The following AKT3 variants were observed in gnomAD, a reference collection of about 807,000 sequenced individuals.
The protein encoded by AKT3 is AKT serine/threonine kinase 3, also known as RAC-gamma serine/threonine-protein kinase.
A neutral mutation model predicts 65.3 loss-of-function variants in AKT3; 15 were observed. That is an observed-to-expected ratio of 0.23 (90% CI 0.15 to 0.35). AKT3 has a LOEUF of 0.35. AKT3 is among the 10% of genes least tolerant of loss of function. The pLI, the probability that AKT3 is intolerant of heterozygous loss-of-function variation, is 1.00. For missense variants in AKT3, 243 were observed against 576.5 expected (o/e 0.42, Z 5.92); for synonymous variants, 206 against 183.8 (o/e 1.12, Z -0.98).
chr1:243,843,612 T>C, intron 1 of AKT3: 3 of 982,850 alleles, frequency 3.1e-6, no homozygotes, highest in Non-Finnish European at 3.6e-6. Flanking sequence ...TGAAAGTTAA[T>C]TGCCCTAAAT....
At chr1:243,612,765 G>T (rs1677963763) in intron 8 of AKT3, 1 of 152,040 alleles carries the variant, frequency 6.6e-6, no homozygotes, top group Non-Finnish European at 1.5e-5. Context: ...GGTAGGCCCG[G>T]CGTGGTGGCT....
At chr1:243,536,891 T>C (rs1003962028) in intron 12 of AKT3, among the ~76,000 whole-genome samples, 11 of 152,178 alleles carry the variant, frequency 7.2e-5, no homozygotes, top group African/African-American at 2.4e-4. Context: ...ATAAGGGAAG[T>C]ATCAAATAGA....
intron 2 of AKT3, among the ~76,000 whole-genome samples, chr1:243,711,409 T>C (rs984004057): frequency 6.6e-6 from 1 of 152,188 alleles, no homozygotes; most frequent in African/African-American, 2.4e-5. Flanking sequence ...AATACTTTTA[T>C]CCAACTGTTT....
At position 243,783,892 on chromosome 1, in the gene AKT3, T is replaced by C. The variant is rs1339013334; in HGVS notation, c.46+59233A>G. On this transcript the variant is annotated intron_variant, in intron 2 of 13. Transcript: ENST00000673466. ...TATTATAAATAAACCCATGGGAAAA[T>C]GTACAAATTCCAGCTTTTTAGTAAT... 2.6e-5 allele frequency among the ~76,000 whole-genome samples: 4 copies of C among 151,934 alleles called. No homozygotes were observed. The East Asian group carries it at 7.7e-4, about 29-fold the overall frequency.
intron 13 of AKT3, among the ~76,000 whole-genome samples, chr1:243,505,934 A>C (rs1342992068): frequency 3.3e-5 from 5 of 152,234 alleles, no homozygotes; most frequent in African/African-American, 9.6e-5. Flanking sequence ...GCTCATCAGG[A>C]AACAATGGAA....
At chr1:243,773,095 G>C (rs1450294912) in intron 2 of AKT3, among the ~76,000 whole-genome samples, 1 of 151,288 alleles carries the variant, frequency 6.6e-6, no homozygotes, top group Non-Finnish European at 1.5e-5. Context: ...TAAATGGCGA[G>C]TTAATGGGTG....
At chr1:243,816,078 A>G (rs1319858922) in intron 2 of AKT3, among the ~76,000 whole-genome samples, 3 of 152,146 alleles carry the variant, frequency 2.0e-5, no homozygotes, top group Non-Finnish European at 4.4e-5. Context: ...CCAGGGATGT[A>G]GTCATCAGAA....
chr1:243,707,793 A>G (rs1384575807), intron 2 of AKT3, among the ~76,000 whole-genome samples: 1 of 152,116 alleles, frequency 6.6e-6, no homozygotes, highest in African/African-American at 2.4e-5. Context: ...ACACATCAAT[A>G]TCAGGTCTTT....
At chr1:243,493,437 T>C (rs1370211809) in intron 13 of AKT3, among the ~76,000 whole-genome samples, 1 of 152,148 alleles carries the variant, frequency 6.6e-6, no homozygotes, top group African/African-American at 2.4e-5. Flanking sequence ...TCTGTCCACT[T>C]AGAGGATGGT....
chr1:243,631,743 A>G (rs1209622501), intron 6 of AKT3, among the ~76,000 whole-genome samples: 1 of 152,212 alleles, frequency 6.6e-6, no homozygotes, highest in Non-Finnish European at 1.5e-5. Context: ...CTGCTTTATC[A>G]ACTAAGTTTA....
intron 2 of AKT3, among the ~76,000 whole-genome samples, chr1:243,698,513 T>C (rs1471247715): frequency 6.6e-6 from 1 of 152,116 alleles, no homozygotes; most frequent in Non-Finnish European, 1.5e-5. Flanking sequence ...ATCTTGTATC[T>C]TTTTTATTAA....
At chr1:243,671,077 C>A (rs936479939) in intron 3 of AKT3, among the ~76,000 whole-genome samples, 2 of 149,110 alleles carry the variant, frequency 1.3e-5, no homozygotes, top group African/African-American at 5.1e-5. Context: ...ATAATAGATT[C>A]CTTTTTTTTT....
intron 10 of AKT3, among the ~76,000 whole-genome samples, chr1:243,562,347 G>A (rs182697712): frequency 1.3e-5 from 2 of 152,104 alleles, no homozygotes; most frequent in African/African-American, 4.8e-5. Context: ...TAACGGGTAT[G>A]GGGTTTCTTG....
In AKT3 at chr1:243,758,821, C is replaced by G. The variant is rs140026257; in HGVS notation, c.47-63105G>C. ...CTTAGGTGGTAATGCTCGCTCACCT[C>G]TTGCTGTGTGTCCCAGGTCCTAACA... On this transcript the variant is annotated intron_variant, in intron 2 of 13. Coordinates refer to ENST00000673466, the MANE Select transcript of AKT3 (RefSeq NM_005465.7). 2.1e-4 allele frequency among the ~76,000 whole-genome samples: 32 copies of G among 152,286 alleles called. No individual in the cohort carries two copies. In the East Asian group the frequency reaches 2.3e-3, roughly 11 times the overall value.
chr1:243,801,912 C>T (rs1692404334), intron 2 of AKT3, among the ~76,000 whole-genome samples: 1 of 152,074 alleles, frequency 6.6e-6, no homozygotes, highest in Non-Finnish European at 1.5e-5. Flanking sequence ...CAACCGAAAC[C>T]CCAAACTACA....
intron 2 of AKT3, among the ~76,000 whole-genome samples, chr1:243,815,298 T>A (rs1693438865): frequency 6.6e-6 from 1 of 152,200 alleles, no homozygotes. Context: ...GATCACTTCA[T>A]TCATAGGTTA....
At chr1:243,841,305 C>T (rs1695225870) in intron 2 of AKT3, among the ~76,000 whole-genome samples, 1 of 152,100 alleles carries the variant, frequency 6.6e-6, no homozygotes, top group Non-Finnish European at 1.5e-5. Flanking sequence ...CAACAGCTTA[C>T]ATTGTGTTAG....
intron 3 of AKT3, among the ~76,000 whole-genome samples, chr1:243,692,440 T>C (rs758077125): frequency 6.6e-6 from 1 of 152,022 alleles, no homozygotes; most frequent in Non-Finnish European, 1.5e-5. Flanking sequence ...AACATAAAAA[T>C]ACACAAGTTT....
rs1480109720 is a variant in AKT3, at chr1:243,651,519, T to C, written c.285-5482A>G. On this transcript the variant is annotated intron_variant, in intron 4 of 13. Transcript: ENST00000673466. ...AGTTTTTGCCCATTCAGTATGATAT[T>C]TGCTGTAAGTTTGTCTTAAATAGCT... 2.0e-5 allele frequency among the ~76,000 whole-genome samples: 3 copies of C among 152,240 alleles called. No individual in the cohort carries two copies. The South Asian group carries it at 6.2e-4, about 31-fold the overall frequency.
Sources: allele counts gnomAD v4.1 joint callset (sites outside exome capture counted in the v4.1 genomes callset), GRCh38; gene constraint gnomAD v4.1.1; transcripts MANE v1.5; gene names NCBI Gene and HGNC (gene_info 2026-07-23, HGNC 2026-07-21).